The following CHM variants were observed in gnomAD, a reference collection of about 807,000 sequenced individuals.
CHM encodes CHM Rab escort protein.
In CHM, 10 loss-of-function variants were observed where a neutral mutation model predicts 49.0. The observed-to-expected ratio is 0.20, with a 90% CI of 0.13 to 0.35. CHM has a LOEUF of 0.35. CHM is among the 10% of genes least tolerant of loss of function. CHM has a pLI of 1.00. For synonymous variants in CHM, 184 were observed against 167.5 expected (o/e 1.10, Z -0.76); for missense variants, 455 against 478.4 (o/e 0.95, Z 0.46).
At chrX:85,956,487 G>A in intron 7 of CHM, 109 bp from the exon 8 acceptor site, 1 of 1,029,508 alleles carries the variant, frequency 9.7e-7, no homozygotes, top group Non-Finnish European at 1.3e-6. Flanking sequence ...AAAGGACATA[G>A]GTGGTATTAC....
intron 8 of CHM, among the ~76,000 whole-genome samples, chrX:85,928,491 C>A (rs1439423379): frequency 9.0e-6 from 1 of 111,068 alleles, no homozygotes; most frequent in African/African-American, 3.3e-5. Context: ...TGCAGTGAGC[C>A]GAGATCGCGC....
At chrX:85,882,039 G>T (rs1924792781) in intron 12 of CHM, among the ~76,000 whole-genome samples, 1 of 111,196 alleles carries the variant, frequency 9.0e-6, no homozygotes, top group Non-Finnish European at 1.9e-5. Flanking sequence ...ACATTTAAAT[G>T]ACTGATGTTA....
At position 85,900,626 on chromosome X, in the gene CHM, A is replaced by G; in HGVS notation, c.1413+20T>C. ...TTCATATATACAACTTTTATTAAAA[A>G]TATATAGGACTGAATTTACCTGTTG... On this transcript the variant is annotated intron_variant, in intron 11 of 14. Coordinates refer to ENST00000357749, the MANE Select transcript of CHM (RefSeq NM_000390.4). 1 of 1,025,954 alleles carries G rather than the reference A, an allele frequency of 9.7e-7. No individual in the cohort carries two copies. The highest frequency in any genetic ancestry group is 3.2e-5 in the East Asian group (1 of 31,162). The allele number at this position is 1,025,954 out of a possible 1,213,427, so 84.6% of individuals were successfully genotyped here.
chrX:85,982,200 A>C (rs902586669), intron 2 of CHM, among the ~76,000 whole-genome samples: 8 of 111,305 alleles, frequency 7.2e-5, no homozygotes, highest in Admixed American at 5.7e-4. Flanking sequence ...AAAACTGCTA[A>C]GTTTTCTGTA....
intron 4 of CHM, 119 bp from the exon 5 acceptor site, chrX:85,964,171 G>T: frequency 1.7e-6 from 1 of 594,919 alleles, no homozygotes; most frequent in African/African-American, 2.3e-5. Context: ...ATCTGTTAAT[G>T]TTTCAGTAAA....
At chrX:86,037,929 A>G (rs1316097049) in intron 1 of CHM, among the ~76,000 whole-genome samples, 1 of 111,676 alleles carries the variant, frequency 9.0e-6, no homozygotes, top group Non-Finnish European at 1.9e-5. Flanking sequence ...CTCCATAAAC[A>G]GGACAATGAG....
intron 8 of CHM, among the ~76,000 whole-genome samples, chrX:85,938,045 T>A (rs1295841261): frequency 9.0e-6 from 1 of 111,704 alleles, no homozygotes; most frequent in African/African-American, 3.3e-5. Flanking sequence ...TGTCAAAACG[T>A]AAGGAATAAT....
chrX:85,873,283 C>CAAT, intron 13 of CHM, 71 bp from the exon 14 acceptor site: 1 of 791,049 alleles, frequency 1.3e-6, no homozygotes, highest in Non-Finnish European at 1.8e-6. Flanking sequence ...ACTGTGTAGC[C>CAAT]TATTACCGAT....
chrX:85,938,607 A>C (rs1928923106), intron 8 of CHM, among the ~76,000 whole-genome samples: 1 of 107,850 alleles, frequency 9.3e-6, no homozygotes, highest in African/African-American at 3.4e-5. Context: ...TGAGACACTA[A>C]TAGAGACACT....
chrX:86,030,128 C>T (rs1298653153), intron 1 of CHM, among the ~76,000 whole-genome samples: 1 of 112,148 alleles, frequency 8.9e-6, no homozygotes, highest in Non-Finnish European at 1.9e-5. Flanking sequence ...CTGTGATCAA[C>T]AATGTCAGAA....
chrX:86,021,103 T>C (rs1211640185), intron 2 of CHM, among the ~76,000 whole-genome samples: 11 of 83,552 alleles, frequency 1.3e-4, no homozygotes, highest in East Asian at 4.0e-4. Context: ...CACATATATA[T>C]ACGTATATAT....
intron 12 of CHM, among the ~76,000 whole-genome samples, chrX:85,891,096 T>C (rs1378210493): frequency 8.9e-6 from 1 of 111,818 alleles, no homozygotes; most frequent in African/African-American, 3.3e-5. Flanking sequence ...ATTTAAGGTA[T>C]CTGGTGGAAG....
intron 13 of CHM, among the ~76,000 whole-genome samples, chrX:85,876,927 A>AATTTTTAGCTCC (rs1924455704): frequency 9.0e-6 from 1 of 111,546 alleles, no homozygotes; most frequent in Non-Finnish European, 1.9e-5. Context: ...AAGAGTAATG[A>AATTTTTAGCTCC]CATGATTCAT....
intron 12 of CHM, among the ~76,000 whole-genome samples, chrX:85,887,795 GAC>G (rs1367282828): frequency 9.0e-6 from 1 of 111,506 alleles, no homozygotes; most frequent in Non-Finnish European, 1.9e-5. Context: ...TTAGCAAAGA[GAC>G]TGGCAGCATT....
At chrX:86,023,967 G>C (rs756661242) in intron 2 of CHM, among the ~76,000 whole-genome samples, 12 of 112,079 alleles carry the variant, frequency 1.1e-4, no homozygotes, top group South Asian at 7.4e-4. Flanking sequence ...AGACAGGGAA[G>C]TGAATGATTA....
intron 8 of CHM, among the ~76,000 whole-genome samples, chrX:85,954,247 T>A (rs1481595687): frequency 2.7e-5 from 3 of 112,099 alleles, no homozygotes; most frequent in Non-Finnish European, 5.6e-5. Context: ...CCAGTTAAAA[T>A]AACTTTTATT....
intron 1 of CHM, among the ~76,000 whole-genome samples, chrX:86,039,314 A>G (rs1274592252): frequency 9.0e-4 from 28 of 31,156 alleles, no homozygotes; most frequent in African/African-American, 1.5e-3. Flanking sequence ...ATCCATGTGT[A>G]AAACTTTTTC....
chrX:85,964,536 G>C (rs761277820), intron 4 of CHM, among the ~76,000 whole-genome samples: 95 of 111,481 alleles, frequency 8.5e-4, no homozygotes, highest in African/African-American at 3.1e-3. Context: ...CAAAGAGCCT[G>C]ACACAGTGCC....
At chrX:86,021,031 CACAT>C (rs1407347732) in intron 2 of CHM, among the ~76,000 whole-genome samples, 1 of 97,133 alleles carries the variant, frequency 1.0e-5, no homozygotes, top group East Asian at 3.2e-4. Flanking sequence ...TATATACACA[CACAT>C]ATATATACAC....
Sources: gnomAD v4.1 joint callset for allele counts (sites outside exome capture counted in the v4.1 genomes callset) on GRCh38, gnomAD v4.1.1 for gene constraint, MANE v1.5 for transcripts, NCBI Gene and HGNC (gene_info 2026-07-23, HGNC 2026-07-21) for gene names.